BRPF3: variants seen among roughly 807,000 people sequenced by gnomAD.
BRPF3 encodes the protein bromodomain and PHD finger containing 3, also known as bromodomain and PHD finger-containing protein 3.
A neutral mutation model predicts 102.0 loss-of-function variants in BRPF3; 18 were observed. The observed-to-expected ratio is 0.18, with a 90% CI of 0.12 to 0.26. BRPF3 has a LOEUF of 0.26. Among genes scored for constraint, BRPF3 ranks in the 10% least tolerant of loss-of-function variants. The probability of loss-of-function intolerance (pLI) is 1.00; values close to 1 mark genes in which losing one functional copy is unlikely to be tolerated. For synonymous variants in BRPF3, 570 were observed against 614.2 expected, an observed-to-expected ratio of 0.93 and a Z score of 1.06; for missense variants, 1,147 against 1,567.8, an observed-to-expected ratio of 0.73 and a Z score of 4.53.
intron 9 of BRPF3, among the ~76,000 whole-genome samples, chr6:36,220,947 A>G (rs886934489): frequency 1.3e-5 from 2 of 152,154 alleles, no homozygotes; most frequent in Non-Finnish European, 2.9e-5. Flanking sequence ...TTCTTATCCC[A>G]CTAGGGGTTT....
Position 36,201,081 on chromosome 6 carries a change from G to A in BRPF3, c.759G>A (p.Gln253=), listed in dbSNP as rs371318420. The change falls in exon 2 of 13, where the codon CAG becomes CAA. Residue 253 remains glutamine, a synonymous_variant. Coordinates refer to ENST00000357641, the MANE Select transcript of BRPF3 (RefSeq NM_015695.3). The surrounding 1 kb of genome is among the most constrained non-coding windows in gnomAD (Gnocchi z 5.1). ...GCGTCCCATACATCCCTGAGGGCCA[G>A]TGGCTATGCCGCTGCTGCCTGCAGT... ...CYGVPYIPEG[Q]WLCRCCLQSP... The A allele has an allele frequency of 6.2e-7, 1 of 1,614,014 alleles. No homozygotes were observed. Among genetic ancestry groups the A allele is most frequent in the Non-Finnish European group, 8.5e-7 (1 of 1,180,032 alleles).
At chr6:36,225,168 T>A in intron 10 of BRPF3, 99 bp from the exon 11 acceptor site, 1 of 878,870 alleles carries the variant, frequency 1.1e-6, no homozygotes, top group Non-Finnish European at 1.8e-6. Flanking sequence ...TGTGACTCAT[T>A]CCTGGGTTGC....
In BRPF3 at chr6:36,211,554, G is replaced by A; in HGVS notation, c.2476G>A (p.Asp826Asn). The A allele has an allele frequency of 6.4e-7, 1 of 1,552,598 alleles. No individual in the cohort carries two copies. Among genetic ancestry groups the A allele is most frequent in the Non-Finnish European group, 8.7e-7 (1 of 1,147,236 alleles). The change falls in exon 7 of 13, where the codon GAC (aspartate) becomes AAC (asparagine). Residue 826 changes from aspartate to asparagine, a missense_variant. Physicochemically the swap from Asp to Asn is conservative, Grantham distance 23. Transcript: ENST00000357641. Reference sequence around the variant, plus strand: ...GCAGGAGGAGCCAGAAGACGATGGGGACAGAGGTGAGAGATAGTCACAGGC... The same window carrying A: ...GCAGGAGGAGCCAGAAGACGATGGGAACAGAGGTGAGAGATAGTCACAGGC... ...ALQEEPEDDG[D>N]RDDSKLPPPP...
intron 4 of BRPF3, among the ~76,000 whole-genome samples, chr6:36,208,116 T>C (rs921533077): frequency 1.3e-5 from 2 of 152,228 alleles, no homozygotes; most frequent in Non-Finnish European, 2.9e-5. Context: ...ATTAGATGAC[T>C]TCATCATGTA....
chr6:36,209,073 CT>C (rs1461868578), intron 4 of BRPF3, among the ~76,000 whole-genome samples: 1 of 152,228 alleles, frequency 6.6e-6, no homozygotes, highest in Non-Finnish European at 1.5e-5. Context: ...TATCTCTATT[CT>C]TTTCTAGACA....
chr6:36,222,337 C>T, intron 10 of BRPF3, 72 bp downstream of exon 10: 2 of 1,404,188 alleles, frequency 1.4e-6, no homozygotes, highest in Non-Finnish European at 2.0e-6. Context: ...GGCTGCTGCA[C>T]TGCTGGGGCT....
chr6:36,218,095 T>G, intron 9 of BRPF3, 85 bp downstream of exon 9: 3 of 1,202,370 alleles, frequency 2.5e-6, no homozygotes, highest in Non-Finnish European at 3.6e-6. Flanking sequence ...AACCTCTTCC[T>G]GCTTACCTTT....
chr6:36,203,042 C>G (rs1342643520), intron 2 of BRPF3, among the ~76,000 whole-genome samples: 2 of 152,126 alleles, frequency 1.3e-5, no homozygotes, highest in Non-Finnish European at 2.9e-5. Flanking sequence ...CAGAGCTGTT[C>G]TAGGTTATTC....
chr6:36,219,774 T>C (rs980480503), intron 9 of BRPF3, among the ~76,000 whole-genome samples: 1 of 152,240 alleles, frequency 6.6e-6, no homozygotes, highest in Non-Finnish European at 1.5e-5. Context: ...AATAAGTATA[T>C]AAGGGAAGAC....
chr6:36,210,158 G>C lies in BRPF3; in HGVS notation c.1867-58G>C. 1 of 1,580,250 alleles carries C rather than the reference G, an allele frequency of 6.3e-7. No individual in the cohort carries two copies. Among genetic ancestry groups the C allele is most frequent in the Non-Finnish European group, 8.7e-7 (1 of 1,150,064 alleles). On this transcript the variant is annotated intron_variant, in intron 5 of 12. Transcript: ENST00000357641. This position sits in a 1 kb window ranked among gnomAD's most constrained non-coding sequence, Gnocchi z 4.7. Reference sequence around the variant, plus strand: ...GAGGAGGCCAAGAGTATTGGTGAAGGGTGTGTCTGTTTGGCTAGTAAATGG... The same window carrying C: ...GAGGAGGCCAAGAGTATTGGTGAAGCGTGTGTCTGTTTGGCTAGTAAATGG...
chr6:36,202,419 C>G (rs867215134), intron 2 of BRPF3, among the ~76,000 whole-genome samples: 27 of 142,684 alleles, frequency 1.9e-4, no homozygotes, highest in Non-Finnish European at 2.8e-4. Flanking sequence ...GACCCCCCCC[C>G]CCTCCGCCCC....
chr6:36,227,488 A>G (rs1768782206), intron 11 of BRPF3, among the ~76,000 whole-genome samples: 2 of 152,178 alleles, frequency 1.3e-5, no homozygotes, highest in Non-Finnish European at 2.9e-5. Context: ...TGAATGGACC[A>G]TTTATTATTT....
chr6:36,223,876 A>G (rs1581988390), intron 10 of BRPF3, among the ~76,000 whole-genome samples: 1 of 152,184 alleles, frequency 6.6e-6, no homozygotes, highest in Non-Finnish European at 1.5e-5. Context: ...CATTTTTTAA[A>G]TGGCTCTTCA....
Position 36,210,547 on chromosome 6 carries a change from TG to T in BRPF3, c.2179+23del. ...GAAGACGGTGAGAGGCCTGGATGGG[TG>T]GGGAGGAGAGGGGCCAGGAGGAGGC... On this transcript the variant is annotated intron_variant, in intron 6 of 12. Transcript: ENST00000357641. The surrounding 1 kb of genome is among the most constrained non-coding windows in gnomAD (Gnocchi z 4.7). 1 of 1,564,284 alleles carries T rather than the reference TG, an allele frequency of 6.4e-7. No individual in the cohort carries two copies. Among genetic ancestry groups the T allele is most frequent in the South Asian group, 1.2e-5 (1 of 85,112 alleles).
chr6:36,218,223 C>T (rs887611815), intron 9 of BRPF3, among the ~76,000 whole-genome samples: 2 of 152,074 alleles, frequency 1.3e-5, no homozygotes, highest in African/African-American at 4.8e-5. Context: ...AAGAGTAGTG[C>T]TGATGCTTAC....
At chr6:36,215,307 G>A (rs1370628364) in intron 8 of BRPF3, among the ~76,000 whole-genome samples, 1 of 152,038 alleles carries the variant, frequency 6.6e-6, no homozygotes, top group Non-Finnish European at 1.5e-5. Flanking sequence ...GTGGAGATGG[G>A]GTTTCACCAT....
At chr6:36,221,302 T>G (rs1768531869) in intron 9 of BRPF3, among the ~76,000 whole-genome samples, 1 of 148,226 alleles carries the variant, frequency 6.7e-6, no homozygotes, top group African/African-American at 2.5e-5. Flanking sequence ...TTTTTTTTTT[T>G]TTTGAGATGG....
intron 4 of BRPF3, among the ~76,000 whole-genome samples, chr6:36,209,475 T>G (rs1768018518): frequency 6.6e-6 from 1 of 152,238 alleles, no homozygotes; most frequent in Non-Finnish European, 1.5e-5. Context: ...TTACATAAAA[T>G]GCTTAGAACA....
intron 9 of BRPF3, among the ~76,000 whole-genome samples, chr6:36,219,581 A>G (rs968502794): frequency 1.3e-5 from 2 of 152,204 alleles, no homozygotes; most frequent in Non-Finnish European, 2.9e-5. Context: ...AAGCAAGGCC[A>G]GGCTCTGGTT....
Sources: allele counts gnomAD v4.1 joint callset (sites outside exome capture counted in the v4.1 genomes callset), GRCh38; gene constraint gnomAD v4.1.1; non-coding constraint Gnocchi (gnomAD v3.1); transcripts MANE v1.5; gene names NCBI Gene and HGNC (gene_info 2026-07-23, HGNC 2026-07-21).